The following SULT1C4 variants were observed in gnomAD, a reference collection of about 807,000 sequenced individuals.
SULT1C4 encodes sulfotransferase family 1C member 4.
Under a neutral mutation model 34.8 loss-of-function variants are expected in SULT1C4, and 32 were observed. That is an observed-to-expected ratio of 0.92 (90% confidence interval 0.69 to 1.23). The LOEUF (loss-of-function observed/expected upper bound fraction) is 1.23. SULT1C4 is among the 50% of genes most tolerant of loss of function. The probability of loss-of-function intolerance (pLI) is 0.00; values close to 1 mark genes in which losing one functional copy is unlikely to be tolerated. For synonymous variants in SULT1C4, 111 were observed against 120.5 expected, an observed-to-expected ratio of 0.92 and a Z score of 0.51; for missense variants, 375 against 365.9, an observed-to-expected ratio of 1.02 and a Z score of -0.20.
chr2:108,382,042 A>G (rs1333632935), intron 2 of SULT1C4, 155 bp downstream of exon 2: 1 of 821,144 alleles, frequency 1.2e-6, no homozygotes, highest in Admixed American at 3.6e-5. Context: ...GTTATACTCC[A>G]GACATTTTCT....
chr2:108,382,902 C>CAAAAAA (rs60764322), intron 3 of SULT1C4, 191 bp from the exon 4 acceptor site: 3 of 81,254 alleles, frequency 3.7e-5, no homozygotes, highest in Non-Finnish European at 6.3e-5. Context: ...GACTCCATCT[C>CAAAAAA]AAAAAAAAAA....
rs56356822 is a variant in SULT1C4 at position 108,378,172 on chromosome 2, G to A, written c.-166G>A. ...AGTTCCCTGGAACCTGAGTCGGGAG[G>A]CCTGCAACTCACTTTCTCCCTGTTT... On this transcript the variant is annotated 5_prime_UTR_variant, in exon 1 of 7. Coordinates refer to ENST00000272452, the MANE Select transcript of SULT1C4 (RefSeq NM_006588.4). 1.0e-3 allele frequency: 570 copies of A among 549,346 alleles called. No individual in the cohort carries two copies. Among genetic ancestry groups the A allele is most frequent in the African/African-American group, 4.9e-3 (218 of 44,236 alleles). The allele number at this position is 549,346 out of a possible 1,614,324, so 34.0% of individuals were successfully genotyped here.
Position 108,383,457 on chromosome 2 carries a change from G to A in SULT1C4, c.562G>A (p.Glu188Lys), listed in dbSNP as rs767218158. The stretch of plus-strand genomic sequence containing the variant: ...GCATGAACATGTGAAAGGATGGTGG[G>A]AAGCCAAAGACAAACACCGTATTCT... Reference protein sequence around the residue: ...SWHEHVKGWWEAKDKHRILYL... With the variant: ...SWHEHVKGWWKAKDKHRILYL... The change falls in exon 5 of 7, where the codon GAA becomes AAA. Residue 188 changes from glutamate to lysine, a missense_variant. Coordinates refer to ENST00000272452, the MANE Select transcript of SULT1C4 (RefSeq NM_006588.4). 1.2e-5 allele frequency: 19 copies of A among 1,614,058 alleles called. No individual in the cohort carries two copies. The highest frequency in any genetic ancestry group is 2.2e-5 in the East Asian group (1 of 44,904).
Position 108,388,351 on chromosome 2 carries a change from G to A in SULT1C4, c.*919G>A, listed in dbSNP as rs1678624758. On this transcript the variant is annotated 3_prime_UTR_variant, in exon 7 of 7. Transcript: ENST00000272452. ...CACCTCTTGACTCATCTTTCCCATTGCCACCACAATCCATTCTAATATGTC... is the reference window on the plus strand; with the variant it reads ...CACCTCTTGACTCATCTTTCCCATTACCACCACAATCCATTCTAATATGTC... 6.7e-6 allele frequency among the ~76,000 whole-genome samples: 1 copy of A among 148,616 alleles called. No homozygotes were observed. Among genetic ancestry groups the A allele is most frequent in the African/African-American group, 2.6e-5 (1 of 38,694 alleles).
At position 108,387,348 on chromosome 2, in the gene SULT1C4, C is replaced by T; in HGVS notation, c.825C>T (p.Phe275=). The change falls in exon 7 of 7, where the codon TTC becomes TTT. Residue 275 remains phenylalanine, a synonymous_variant. Transcript: ENST00000272452. ...KGAVGDWKKH[F]TVAQNERFDE... is the part of the protein sequence containing the mutation. ...CAGTGGGAGACTGGAAGAAACACTT[C>T]ACCGTGGCTCAGAATGAGAGATTTG... 6.2e-7 allele frequency: 1 copy of T among 1,613,824 alleles called. No homozygotes were observed. The highest frequency in any genetic ancestry group is 8.5e-7 in the Non-Finnish European group (1 of 1,179,864).
intron 5 of SULT1C4, 84 bp from the exon 6 acceptor site, chr2:108,386,108 C>G (rs1221515483): frequency 3.7e-6 from 4 of 1,087,374 alleles, no homozygotes; most frequent in Non-Finnish European, 2.4e-6. Flanking sequence ...TAATATGTTA[C>G]CGGTTACTGT....
At chr2:108,378,528 G>C (rs200042476) in intron 1 of SULT1C4, 22 bp downstream of exon 1, 2 of 1,609,998 alleles carry the variant, frequency 1.2e-6, no homozygotes, top group African/African-American at 2.7e-5. Context: ...GGCTTGCAGG[G>C]GAAGGGGAAG....
chr2:108,384,204 CTTTATTTA>C (rs797000968), intron 5 of SULT1C4, among the ~76,000 whole-genome samples: 4 of 150,414 alleles, frequency 2.7e-5, no homozygotes, highest in Non-Finnish European at 5.9e-5. Context: ...GAACATAATA[CTTTATTTA>C]TTTATTTATT....
In SULT1C4 at chr2:108,387,795, A is replaced by AT. The variant is rs57444248; in HGVS notation, c.*382dup. The AT allele has an allele frequency of 0.018, 2,569 of 140,752 alleles. 15 individuals are homozygous for AT. Among genetic ancestry groups the AT allele is most frequent in the Non-Finnish European group, 0.023 (1,495 of 65,628 alleles). The allele number at this position is 140,752 out of a possible 1,614,324, so 8.7% of individuals were successfully genotyped here. ...TCAGATTAAGTTTTGGTTCAAGTTA[A>AT]TTTTTTTTTTTTTTTTTTTGAGACG... On this transcript the variant is annotated 3_prime_UTR_variant, in exon 7 of 7. Coordinates refer to ENST00000272452, the MANE Select transcript of SULT1C4 (RefSeq NM_006588.4).
chr2:108,378,191 CCT>C lies in SULT1C4; in HGVS notation c.-146_-145del. On this transcript the variant is annotated 5_prime_UTR_variant, in exon 1 of 7. Coordinates refer to ENST00000272452, the MANE Select transcript of SULT1C4 (RefSeq NM_006588.4). ...CGGGAGGCCTGCAACTCACTTTCTC[CCT>C]GTTTGCTGGCCCAGACAGGCCTGTG... is the stretch of plus-strand genomic sequence containing the variant. The C allele has an allele frequency of 1.5e-6, 1 of 670,572 alleles. No homozygotes were observed. The highest frequency in any genetic ancestry group is 2.8e-5 in the East Asian group (1 of 36,212). 41.5% of individuals were successfully genotyped at this position (670,572 alleles called of 1,614,324 possible). A position where few individuals can be genotyped will look rare whatever the true frequency, so the allele number is the denominator to read the frequency against.
chr2:108,383,564 A>G, intron 5 of SULT1C4, 54 bp downstream of exon 5: 1 of 1,518,252 alleles, frequency 6.6e-7, no homozygotes, highest in African/African-American at 1.4e-5. Flanking sequence ...CATTTAAGTC[A>G]TAATGCATTG....
rs114876789 is a variant in SULT1C4, at chr2:108,380,178, C to T, written c.170-1584C>T. 4.5e-3 allele frequency among the ~76,000 whole-genome samples: 684 copies of T among 152,228 alleles called. 5 individuals are homozygous for T. Among genetic ancestry groups the T allele is most frequent in the South Asian group, 0.014 (67 of 4,820 alleles). On this transcript the variant is annotated intron_variant, in intron 1 of 6. Coordinates refer to ENST00000272452, the MANE Select transcript of SULT1C4 (RefSeq NM_006588.4). ...ATGGGAAAAGGAATCTATAGAGTTTCGGCCAGATAATACAGGAAAGATCAA... is the reference window on the plus strand; with the variant it reads ...ATGGGAAAAGGAATCTATAGAGTTTTGGCCAGATAATACAGGAAAGATCAA...
chr2:108,386,332 TGAAA>T lies in SULT1C4; in HGVS notation c.757_760del (p.Glu253SerfsTer10). 6.4e-7 allele frequency: 1 copy of T among 1,568,872 alleles called. No homozygotes were observed. The highest frequency in any genetic ancestry group is 1.2e-5 in the South Asian group (1 of 81,380). ...TGGCAAACTATTCATCGATTCCTGCTGAAATCATGGACCACTCCATTTCTCCATT... is the reference window on the plus strand; with the variant it reads ...TGGCAAACTATTCATCGATTCCTGCTTCATGGACCACTCCATTTCTCCATT... On this transcript the variant is annotated frameshift_variant, in exon 6 of 7. Coordinates refer to ENST00000272452, the MANE Select transcript of SULT1C4 (RefSeq NM_006588.4). LOFTEE classifies it low-confidence loss of function (END_TRUNC).
chr2:108,379,585 T>C (rs1678334096), intron 1 of SULT1C4, among the ~76,000 whole-genome samples: 1 of 152,200 alleles, frequency 6.6e-6, no homozygotes, highest in Non-Finnish European at 1.5e-5. Flanking sequence ...ATATGGTTCA[T>C]TTAGGTTTTT....
chr2:108,383,554 C>T (rs764788799), intron 5 of SULT1C4, 44 bp downstream of exon 5: 1 of 1,557,396 alleles, frequency 6.4e-7, no homozygotes, highest in Non-Finnish European at 8.8e-7. Flanking sequence ...GACCATAAAA[C>T]ATTTAAGTCA....
At chr2:108,383,855 T>G (rs1007016296) in intron 5 of SULT1C4, among the ~76,000 whole-genome samples, 227 of 139,562 alleles carry the variant, frequency 1.6e-3, no homozygotes, top group African/African-American at 6.7e-3. Flanking sequence ...GGTTTTTGGG[T>G]TTTTTTTGTT....
intron 5 of SULT1C4, among the ~76,000 whole-genome samples, chr2:108,385,747 A>C (rs1678551189): frequency 6.6e-6 from 1 of 152,086 alleles, no homozygotes; most frequent in African/African-American, 2.4e-5. Context: ...GCAAAAAAAA[A>C]ACTTCTCTCC....
chr2:108,388,601 C>G lies in SULT1C4; in HGVS notation c.*1169C>G, dbSNP rs1054116168. ...TTATGTTGTTCCTTAGCTCAAAATC[C>G]TTCAATGGCTGAACTTTCACTGCCT... On this transcript the variant is annotated 3_prime_UTR_variant, in exon 7 of 7. Coordinates refer to ENST00000272452, the MANE Select transcript of SULT1C4 (RefSeq NM_006588.4). Among the ~76,000 whole-genome samples the G allele has an allele frequency of 6.6e-6, 1 of 152,156 alleles. No homozygotes were observed. The highest frequency in any genetic ancestry group is 1.5e-5 in the Non-Finnish European group (1 of 68,032).
intron 1 of SULT1C4, among the ~76,000 whole-genome samples, chr2:108,381,407 C>A (rs921400048): frequency 6.6e-6 from 1 of 152,034 alleles, no homozygotes; most frequent in African/African-American, 2.4e-5. Flanking sequence ...GAGGCCGAGG[C>A]GAGCAGATCA....
Sources: allele counts gnomAD v4.1 joint callset (sites outside exome capture counted in the v4.1 genomes callset), GRCh38; gene constraint gnomAD v4.1.1; transcripts MANE v1.5; gene names NCBI Gene and HGNC (gene_info 2026-07-23, HGNC 2026-07-21).